Variants in CSMD3 observed in about 807,000 individuals in gnomAD.
The protein encoded by CSMD3 is CUB and sushi domain-containing protein 3.
A neutral mutation model predicts 435.2 loss-of-function variants in CSMD3; 177 were observed. That is an observed-to-expected ratio of 0.41 (90% confidence interval 0.36 to 0.46). The LOEUF (loss-of-function observed/expected upper bound fraction) is 0.46, where lower values mean the gene tolerates loss of function less well. Among genes scored for constraint, CSMD3 ranks in the 20% least tolerant of loss-of-function variants. The pLI is 0.34. For missense variants in CSMD3, 4,265 were observed against 4,504.6 expected (o/e 0.95, Z 1.52); for synonymous variants, 1,656 against 1,520.5 (o/e 1.09, Z -2.07).
intron 59 of CSMD3, among the ~76,000 whole-genome samples, chr8:112,272,434 C>G (rs181397886): frequency 6.6e-6 from 1 of 151,862 alleles, no homozygotes; most frequent in Non-Finnish European, 1.5e-5. Flanking sequence ...ATATAGTAAC[C>G]ATAAAAATTG....
At chr8:112,714,201 A>C (rs997598553) in intron 13 of CSMD3, among the ~76,000 whole-genome samples, 4 of 152,102 alleles carry the variant, frequency 2.6e-5, no homozygotes, top group Non-Finnish European at 5.9e-5. Context: ...AGGCACACAC[A>C]GGCTCAAAAT....
chr8:112,261,824 T>C (rs1243996386), intron 61 of CSMD3, among the ~76,000 whole-genome samples: 1 of 152,044 alleles, frequency 6.6e-6, no homozygotes, highest in Non-Finnish European at 1.5e-5. Context: ...TACTTGATAT[T>C]GTGTAATATT....
chr8:113,095,172 A>C (rs2090125977), intron 5 of CSMD3, among the ~76,000 whole-genome samples: 1 of 152,164 alleles, frequency 6.6e-6, no homozygotes, highest in African/African-American at 2.4e-5. Flanking sequence ...TTCTCCCTTA[A>C]AACTATTCCA....
intron 23 of CSMD3, among the ~76,000 whole-genome samples, chr8:112,575,999 C>T (rs1829910641): frequency 6.6e-6 from 1 of 151,876 alleles, no homozygotes; most frequent in African/African-American, 2.4e-5. Flanking sequence ...CCTTGTGTTC[C>T]CCTTAACTTC....
At chr8:112,510,913 A>C (rs1431807557) in intron 28 of CSMD3, among the ~76,000 whole-genome samples, 1 of 152,216 alleles carries the variant, frequency 6.6e-6, no homozygotes, top group Non-Finnish European at 1.5e-5. Flanking sequence ...AGTGAAGATG[A>C]CTGTAGAGAT....
Position 112,557,440 on chromosome 8 carries a change from T to C in CSMD3, c.4043-486A>G, listed in dbSNP as rs1828220003. Among the ~76,000 whole-genome samples the C allele has an allele frequency of 3.3e-5, 5 of 151,930 alleles. No homozygotes were observed. The Admixed American group carries it at 3.3e-4, about 10-fold the overall frequency. ...GTTGTTCCTGGAGGATGGGGGCTTA[T>C]CGCCAGAGAAACCAACCATATGATT... On this transcript the variant is annotated intron_variant, in intron 24 of 70. Coordinates refer to ENST00000297405, the MANE Select transcript of CSMD3 (RefSeq NM_198123.2).
chr8:113,417,406 TA>T (rs2094586817), intron 1 of CSMD3, among the ~76,000 whole-genome samples: 2 of 152,086 alleles, frequency 1.3e-5, no homozygotes, highest in African/African-American at 4.8e-5. Flanking sequence ...ATAAAACTAG[TA>T]CAAAAGTTAT....
At position 112,289,226 on chromosome 8, in the gene CSMD3, G is replaced by A. The variant is rs1819522877; in HGVS notation, c.9148+139C>T. The A allele has an allele frequency of 7.8e-6, 6 of 764,548 alleles. No homozygotes were observed. In the East Asian group the frequency reaches 1.2e-4, roughly 16 times the overall value. 47.4% of individuals were successfully genotyped at this position (764,548 alleles called of 1,614,324 possible). ...CACATATTCCAGTAATGTGTAAGCA[G>A]TGTTTCAGCTTTTCTTATGAGATTT... is the stretch of plus-strand genomic sequence containing the variant. On this transcript the variant is annotated intron_variant, in intron 57 of 70. Coordinates refer to ENST00000297405, the MANE Select transcript of CSMD3 (RefSeq NM_198123.2).
intron 10 of CSMD3, among the ~76,000 whole-genome samples, chr8:112,872,128 C>G (rs139622088): frequency 6.6e-6 from 1 of 151,910 alleles, no homozygotes; most frequent in African/African-American, 2.4e-5. Context: ...TATACAAACA[C>G]AAGTATCTGA....
intron 37 of CSMD3, 123 bp from the exon 38 acceptor site, chr8:112,380,579 CA>C: frequency 4.5e-5 from 29 of 637,778 alleles, no homozygotes; most frequent in Middle Eastern, 4.1e-4. Context: ...AGTTGTTTTT[CA>C]AAAAAAATTT....
chr8:112,839,246 C>T (rs2080112621), intron 11 of CSMD3, among the ~76,000 whole-genome samples: 2 of 151,686 alleles, frequency 1.3e-5, no homozygotes, highest in Admixed American at 1.3e-4. Flanking sequence ...AAGCTTTTAG[C>T]TTTGTTTTAT....
At chr8:112,567,362 TAAA>T (rs995938453) in intron 24 of CSMD3, among the ~76,000 whole-genome samples, 1 of 152,164 alleles carries the variant, frequency 6.6e-6, no homozygotes, top group African/African-American at 2.4e-5. Context: ...AAATTACTTC[TAAA>T]TGTAGTTCTC....
chr8:112,471,418 A>G (rs1335248462), intron 32 of CSMD3, among the ~76,000 whole-genome samples: 1 of 152,210 alleles, frequency 6.6e-6, no homozygotes, highest in Non-Finnish European at 1.5e-5. Flanking sequence ...TTTCTTCACT[A>G]TCAAAGACCT....
intron 49 of CSMD3, among the ~76,000 whole-genome samples, 160 bp downstream of exon 49, chr8:112,313,746 T>C (rs1044659549): frequency 1.3e-5 from 2 of 152,050 alleles, no homozygotes; most frequent in African/African-American, 4.8e-5. Flanking sequence ...TTATTATCAT[T>C]ACAATAGGAA....
intron 32 of CSMD3, among the ~76,000 whole-genome samples, chr8:112,442,981 T>C (rs1180630226): frequency 6.6e-6 from 1 of 152,146 alleles, no homozygotes; most frequent in Non-Finnish European, 1.5e-5. Context: ...TAACCCACTG[T>C]TTTTGGGGGT....
intron 16 of CSMD3, among the ~76,000 whole-genome samples, chr8:112,676,770 G>A (rs1206451771): frequency 6.6e-6 from 1 of 152,072 alleles, no homozygotes; most frequent in Non-Finnish European, 1.5e-5. Context: ...TTTTAAAACA[G>A]AAAACTCTAG....
intron 12 of CSMD3, among the ~76,000 whole-genome samples, chr8:112,824,776 T>C (rs1300218179): frequency 6.6e-6 from 1 of 152,146 alleles, no homozygotes; most frequent in Non-Finnish European, 1.5e-5. Context: ...CTGATGATTT[T>C]GTGTCTTGGA....
intron 38 of CSMD3, among the ~76,000 whole-genome samples, chr8:112,364,992 C>T (rs1224900527): frequency 6.6e-6 from 1 of 151,986 alleles, no homozygotes; most frequent in African/African-American, 2.4e-5. Context: ...GACTATGTAA[C>T]CAATATATGT....
At position 112,947,884 on chromosome 8, in the gene CSMD3, C is replaced by A. The variant is rs1197839402; in HGVS notation, c.1421-7G>T. ...TTAATACCTCCCTCATTTACTGCAACAGCAGGGAAAAAAGAAAAAAGAAAC... is the reference window on the plus strand; with the variant it reads ...TTAATACCTCCCTCATTTACTGCAAAAGCAGGGAAAAAAGAAAAAAGAAAC... On this transcript the variant is annotated splice_polypyrimidine_tract_variant and splice_region_variant and intron_variant, in intron 8 of 70. Transcript: ENST00000297405. 1 of 1,315,656 alleles carries A rather than the reference C, an allele frequency of 7.6e-7. No homozygotes were observed. The highest frequency in any genetic ancestry group is 1.2e-5 in the South Asian group (1 of 83,060). 81.5% of individuals were successfully genotyped at this position (1,315,656 alleles called of 1,614,324 possible). A position where few individuals can be genotyped will look rare whatever the true frequency, so the allele number is the denominator to read the frequency against.
Sources: allele counts gnomAD v4.1 joint callset (sites outside exome capture counted in the v4.1 genomes callset), GRCh38; gene constraint gnomAD v4.1.1; transcripts MANE v1.5; gene names NCBI Gene and HGNC (gene_info 2026-07-23, HGNC 2026-07-21).